ZBTB38: variants seen among roughly 807,000 people sequenced by gnomAD.
The protein encoded by ZBTB38 is zinc finger and BTB domain-containing protein 38.
ZBTB38 carries 20 observed loss-of-function variants against 76.8 expected under a neutral mutation model. The observed-to-expected ratio is 0.26, with a 90% CI of 0.18 to 0.38. The LOEUF is 0.38. ZBTB38 is among the 10% of genes least tolerant of loss of function. The pLI is 1.00. For missense variants in ZBTB38, 1,082 were observed against 1,482.3 expected, an observed-to-expected ratio of 0.73 and a Z score of 4.43; for synonymous variants, 504 against 544.2, an observed-to-expected ratio of 0.93 and a Z score of 1.03.
intron 1 of ZBTB38, among the ~76,000 whole-genome samples, chr3:141,343,697 GC>G (rs1303546619): frequency 1.3e-5 from 2 of 152,186 alleles, no homozygotes; most frequent in Admixed American, 6.5e-5. Flanking sequence ...AATATCTTGA[GC>G]AATCTTAACA....
intron 5 of ZBTB38, among the ~76,000 whole-genome samples, chr3:141,438,966 AT>A (rs56348132): frequency 0.11 from 15,450 of 139,936 alleles, 841 homozygotes; most frequent in Admixed American, 0.19. Context: ...ATCATTTTTA[AT>A]TTTTTTTTTT....
chr3:141,393,421 C>G (rs1326077331), intron 4 of ZBTB38, among the ~76,000 whole-genome samples: 1 of 152,206 alleles, frequency 6.6e-6, no homozygotes, highest in Non-Finnish European at 1.5e-5. Context: ...TGGTTAAATC[C>G]CAGAAGGGCA....
intron 5 of ZBTB38, among the ~76,000 whole-genome samples, chr3:141,420,644 CTAAGTA>C: frequency 6.6e-6 from 1 of 152,200 alleles, no homozygotes; most frequent in Admixed American, 6.5e-5. Flanking sequence ...AAAATATTTT[CTAAGTA>C]TAACAGTACT....
chr3:141,446,759 T>G lies in ZBTB38; in HGVS notation c.*783T>G, dbSNP rs2081127884. The G allele has an allele frequency of 6.5e-6, 1 of 152,692 alleles. No homozygotes were observed. The highest frequency in any genetic ancestry group is 2.1e-4 in the South Asian group (1 of 4,828). 9.5% of individuals were successfully genotyped at this position (152,692 alleles called of 1,614,324 possible). Reference sequence around the variant, plus strand: ...AATGCTGTTCCCTTGAAGTTATGGCTGAGCTGTTCTTAGAACTGGTCTACT... The same window carrying G: ...AATGCTGTTCCCTTGAAGTTATGGCGGAGCTGTTCTTAGAACTGGTCTACT... On this transcript the variant is annotated 3_prime_UTR_variant, in exon 6 of 6. Coordinates refer to ENST00000321464, the MANE Select transcript of ZBTB38 (RefSeq NM_001376113.1).
At chr3:141,431,341 A>AAAAAAAAAAAAAATATATATATAT in intron 5 of ZBTB38, among the ~76,000 whole-genome samples, 4 of 103,272 alleles carry the variant, frequency 3.9e-5, no homozygotes, top group African/African-American at 6.0e-5. Flanking sequence ...AAAAAAAAAA[A>AAAAAAAAAAAAAATATATATATAT]ATATATATAT....
chr3:141,380,670 G>T (rs930681116), intron 2 of ZBTB38, among the ~76,000 whole-genome samples: 1 of 152,194 alleles, frequency 6.6e-6, no homozygotes, highest in African/African-American at 2.4e-5. Flanking sequence ...AGCCAGAGAC[G>T]TGGGCTTAGG....
chr3:141,414,058 G>C (rs1252764065), intron 5 of ZBTB38, among the ~76,000 whole-genome samples: 1 of 152,190 alleles, frequency 6.6e-6, no homozygotes, highest in Admixed American at 6.5e-5. Context: ...ACAGTACAGA[G>C]ATTAAAATTT....
chr3:141,336,515 A>G (rs993767776), intron 1 of ZBTB38, among the ~76,000 whole-genome samples: 2 of 151,998 alleles, frequency 1.3e-5, no homozygotes, highest in African/African-American at 4.8e-5. Flanking sequence ...TTTTTAATTA[A>G]TTCATTTATT....
intron 5 of ZBTB38, among the ~76,000 whole-genome samples, chr3:141,415,995 C>T (rs1286051066): frequency 1.3e-5 from 2 of 152,056 alleles, no homozygotes; most frequent in Non-Finnish European, 1.5e-5. Context: ...AGTATAAAAA[C>T]GAGGGGTGGT....
chr3:141,362,558 G>C (rs1943852788), intron 1 of ZBTB38, among the ~76,000 whole-genome samples: 1 of 152,180 alleles, frequency 6.6e-6, no homozygotes, highest in Non-Finnish European at 1.5e-5. Context: ...TTAAGTTTAA[G>C]TGTTCCCTGA....
intron 4 of ZBTB38, among the ~76,000 whole-genome samples, chr3:141,401,611 ATTTTT>A (rs10935429): frequency 2.0e-5 from 3 of 146,638 alleles, no homozygotes; most frequent in African/African-American, 5.0e-5. Flanking sequence ...GTGGCCTTGA[ATTTTT>A]TTTTTTTTTA....
intron 5 of ZBTB38, among the ~76,000 whole-genome samples, chr3:141,415,896 G>T (rs961768098): frequency 6.6e-6 from 1 of 152,156 alleles, no homozygotes; most frequent in Non-Finnish European, 1.5e-5. Flanking sequence ...AGCAGGGAAG[G>T]TCCTATTTTA....
chr3:141,332,266 C>T (rs137889079), intron 1 of ZBTB38, among the ~76,000 whole-genome samples: 9 of 152,306 alleles, frequency 5.9e-5, no homozygotes, highest in African/African-American at 1.7e-4. Flanking sequence ...CTACTCCAAC[C>T]AAATTCATCA....
At chr3:141,341,806 T>C (rs1442892898) in intron 1 of ZBTB38, among the ~76,000 whole-genome samples, 4 of 152,210 alleles carry the variant, frequency 2.6e-5, no homozygotes, top group African/African-American at 9.7e-5. Context: ...ACACACCAGC[T>C]GTGAAGACAT....
intron 4 of ZBTB38, among the ~76,000 whole-genome samples, chr3:141,400,352 CTGTT>C (rs930043088): frequency 3.9e-5 from 6 of 152,220 alleles, no homozygotes; most frequent in African/African-American, 7.2e-5. Flanking sequence ...AGAAATGCCA[CTGTT>C]TGTGAATTCC....
intron 2 of ZBTB38, among the ~76,000 whole-genome samples, chr3:141,374,692 C>G (rs1253386386): frequency 6.6e-6 from 1 of 152,090 alleles, no homozygotes; most frequent in African/African-American, 2.4e-5. Context: ...CCCCATTTAA[C>G]ATTATGTTGT....
chr3:141,390,238 T>C (rs972741533), intron 4 of ZBTB38, among the ~76,000 whole-genome samples: 2 of 152,208 alleles, frequency 1.3e-5, no homozygotes, highest in South Asian at 2.1e-4. Flanking sequence ...TTGATGATTG[T>C]AGAGGATGGC....
At chr3:141,326,616 G>A (rs1349749039) in intron 1 of ZBTB38, among the ~76,000 whole-genome samples, 2 of 152,030 alleles carry the variant, frequency 1.3e-5, no homozygotes, top group African/African-American at 4.8e-5. Context: ...CTTTTCTACA[G>A]TCTTGGTGTG....
intron 5 of ZBTB38, among the ~76,000 whole-genome samples, chr3:141,421,464 C>G (rs1411455170): frequency 6.6e-6 from 1 of 151,978 alleles, no homozygotes; most frequent in Non-Finnish European, 1.5e-5. Context: ...ACTATGAGAT[C>G]TTAGGCTTTT....
Sources: gnomAD v4.1 joint callset for allele counts (sites outside exome capture counted in the v4.1 genomes callset) on GRCh38, gnomAD v4.1.1 for gene constraint, MANE v1.5 for transcripts, NCBI Gene and HGNC (gene_info 2026-07-23, HGNC 2026-07-21) for gene names.